Variants in NRG3 observed in about 807,000 individuals in gnomAD.
NRG3 encodes pro-neuregulin-3, membrane-bound isoform.
A neutral mutation model predicts 66.9 loss-of-function variants in NRG3; 31 were observed. The ratio of observed to expected loss-of-function variants is 0.46; its 90% CI spans 0.35 to 0.63. NRG3 has a LOEUF of 0.63. Among genes scored for constraint, NRG3 ranks in the 20% least tolerant of loss-of-function variants. The pLI is 0.00. For synonymous variants in NRG3, 393 were observed against 359.4 expected (o/e 1.09, Z -1.06); for missense variants, 910 against 878.9 (o/e 1.04, Z -0.45).
intron 8 of NRG3, among the ~76,000 whole-genome samples, chr10:82,981,859 T>A (rs1852939696): frequency 1.3e-5 from 2 of 152,140 alleles, no homozygotes; most frequent in Non-Finnish European, 2.9e-5. Flanking sequence ...ATCACAAAAG[T>A]TAGATTCACA....
rs1321233305 is a variant in NRG3, at chr10:82,959,088, T to A, written c.1284+13T>A. 5 of 1,582,310 alleles carry A rather than the reference T, an allele frequency of 3.2e-6. No individual in the cohort carries two copies. The highest frequency in any genetic ancestry group is 3.4e-6 in the Non-Finnish European group (4 of 1,168,810). On this transcript the variant is annotated intron_variant, in intron 6 of 8. Transcript: ENST00000372141. ...CCAGCTGCAAAATGTAAGTGACATG[T>A]CTACACACCTCCTCCTATAGCCTAC...
chr10:81,902,630 T>C (rs900200038), intron 1 of NRG3, among the ~76,000 whole-genome samples: 2 of 152,130 alleles, frequency 1.3e-5, no homozygotes, highest in South Asian at 2.1e-4. Context: ...GAGAAATAAA[T>C]GTGTGTTGTT....
intron 1 of NRG3, among the ~76,000 whole-genome samples, chr10:81,968,139 G>A (rs1426125471): frequency 6.6e-6 from 1 of 152,206 alleles, no homozygotes; most frequent in Non-Finnish European, 1.5e-5. Context: ...CATTTGGGCA[G>A]GCTCTGCTTT....
rs979847131 is a variant in NRG3 at position 81,988,106 on chromosome 10, A to G, written c.823+111943A>G. ...AAAGAAAAAACCAAAATGCATTTCA[A>G]TATATTGACCTTATCCAAAGGTGAT... On this transcript the variant is annotated intron_variant, in intron 1 of 8. Transcript: ENST00000372141. Among the ~76,000 whole-genome samples, 3 of 152,354 alleles carry G rather than the reference A, an allele frequency of 2.0e-5. No individual in the cohort carries two copies. The South Asian group carries it at 6.2e-4, about 32-fold the overall frequency.
chr10:81,980,024 C>T (rs2060276418), intron 1 of NRG3, among the ~76,000 whole-genome samples: 1 of 152,268 alleles, frequency 6.6e-6, no homozygotes, highest in South Asian at 2.1e-4. Context: ...ATCATTTTGC[C>T]CCACTTCCTC....
At chr10:81,968,765 G>T (rs1399216437) in intron 1 of NRG3, among the ~76,000 whole-genome samples, 1 of 152,182 alleles carries the variant, frequency 6.6e-6, no homozygotes, top group Non-Finnish European at 1.5e-5. Context: ...GGGGAGAATA[G>T]AATAGAATCT....
intron 3 of NRG3, among the ~76,000 whole-genome samples, chr10:82,834,604 A>G (rs988213343): frequency 1.3e-5 from 2 of 152,194 alleles, no homozygotes; most frequent in African/African-American, 4.8e-5. Flanking sequence ...TGAATGGCCT[A>G]ATCTTTCTGT....
At chr10:82,725,453 A>G (rs1251146159) in intron 2 of NRG3, among the ~76,000 whole-genome samples, 1 of 152,182 alleles carries the variant, frequency 6.6e-6, no homozygotes, top group South Asian at 2.1e-4. Context: ...TGTGTGGTGT[A>G]TAGAGGAAGT....
At chr10:82,790,258 C>A (rs536308357) in intron 3 of NRG3, among the ~76,000 whole-genome samples, 35 of 152,056 alleles carry the variant, frequency 2.3e-4, no homozygotes, top group African/African-American at 8.4e-4. Context: ...TGAAGGACAC[C>A]CTTTGGTATT....
intron 1 of NRG3, among the ~76,000 whole-genome samples, chr10:82,020,406 T>A (rs1327322446): frequency 2.0e-5 from 3 of 152,098 alleles, no homozygotes; most frequent in African/African-American, 7.2e-5. Flanking sequence ...CTGTCCTAGG[T>A]TCCGGAAACA....
intron 1 of NRG3, among the ~76,000 whole-genome samples, chr10:81,982,886 G>T (rs959579015): frequency 5.9e-5 from 9 of 152,138 alleles, no homozygotes; most frequent in Admixed American, 5.9e-4. Context: ...AACAATAAAT[G>T]AACAATTTGA....
rs149168879 is a variant in NRG3, at chr10:81,974,064, C to T, written c.823+97901C>T. On this transcript the variant is annotated intron_variant, in intron 1 of 8. Transcript: ENST00000372141. ...GGGTTTTACATTTAAGTCTTTAACCCGTCTTGAGTTAATTTTTGTATATGG... is the reference window on the plus strand; with the variant it reads ...GGGTTTTACATTTAAGTCTTTAACCTGTCTTGAGTTAATTTTTGTATATGG... Among the ~76,000 whole-genome samples, 48 of 152,194 alleles carry T rather than the reference C, an allele frequency of 3.2e-4. 2 individuals are homozygous for T. The highest frequency in any genetic ancestry group is 6.7e-4 in the African/African-American group (28 of 41,528).
At chr10:82,473,785 A>G (rs1443083797) in intron 2 of NRG3, among the ~76,000 whole-genome samples, 1 of 152,102 alleles carries the variant, frequency 6.6e-6, no homozygotes, top group Non-Finnish European at 1.5e-5. Context: ...CTCAGTGTAT[A>G]AAAGAGCAAA....
In NRG3 at chr10:82,065,994, A is replaced by T. The variant is rs551112529; in HGVS notation, c.823+189831A>T. 4.1e-3 allele frequency among the ~76,000 whole-genome samples: 622 copies of T among 152,210 alleles called. 8 individuals are homozygous for T. Among genetic ancestry groups the T allele is most frequent in the African/African-American group, 0.015 (603 of 41,558 alleles). ...TTCCATTGCTATCATCATTTTTATT[A>T]TTGTCTTAACCTTTACTTTTAAAAA... On this transcript the variant is annotated intron_variant, in intron 1 of 8. Coordinates refer to ENST00000372141, the MANE Select transcript of NRG3 (RefSeq NM_001010848.4).
At chr10:82,288,421 T>C (rs780320603) in intron 1 of NRG3, among the ~76,000 whole-genome samples, 30 of 152,088 alleles carry the variant, frequency 2.0e-4, no homozygotes, top group Non-Finnish European at 4.3e-4. Flanking sequence ...AAAGACATTG[T>C]TTTTCCTGGG....
intron 1 of NRG3, among the ~76,000 whole-genome samples, chr10:82,008,310 C>A (rs545092986): frequency 1.6e-3 from 236 of 152,094 alleles, no homozygotes; most frequent in Non-Finnish European, 2.6e-3. Flanking sequence ...AGTATGAGTT[C>A]GACAGGCAAA....
At chr10:82,168,838 G>T (rs1244552635) in intron 1 of NRG3, among the ~76,000 whole-genome samples, 1 of 151,976 alleles carries the variant, frequency 6.6e-6, no homozygotes, top group Non-Finnish European at 1.5e-5. Flanking sequence ...TCAGATTTTG[G>T]AATTTTTAGA....
rs2050754946 is a variant in NRG3, at chr10:82,643,901, CACCCACA to C, written c.954-94675_954-94669del. 3.2e-3 allele frequency among the ~76,000 whole-genome samples: 65 copies of C among 20,514 alleles called. 1 individual carries two copies. In the South Asian group the frequency reaches 0.082, roughly 26 times the overall value. The allele number at this position is 20,514 out of a possible 152,430, so 13.5% of individuals were successfully genotyped here. ...ACACACACGCGCACACACACACACACACCCACACACACACACACACACGAGAATTTCC... is the reference window on the plus strand; with the variant it reads ...ACACACACGCGCACACACACACACACCACACACACACACACGAGAATTTCC... On this transcript the variant is annotated intron_variant, in intron 2 of 8. Coordinates refer to ENST00000372141, the MANE Select transcript of NRG3 (RefSeq NM_001010848.4).
intron 1 of NRG3, among the ~76,000 whole-genome samples, chr10:82,056,728 T>C (rs893258662): frequency 1.3e-5 from 2 of 152,330 alleles, no homozygotes; most frequent in Middle Eastern, 6.8e-3. Context: ...TTATTTTGAC[T>C]GTAGCTTTCA....
Sources: allele counts gnomAD v4.1 joint callset (sites outside exome capture counted in the v4.1 genomes callset), GRCh38; gene constraint gnomAD v4.1.1; transcripts MANE v1.5; gene names NCBI Gene and HGNC (gene_info 2026-07-23, HGNC 2026-07-21).